ATP6V1A: variants seen among roughly 807,000 people sequenced by gnomAD.
ATP6V1A encodes the protein ATPase H+ transporting V1 subunit A.
ATP6V1A carries 18 observed loss-of-function variants against 70.1 expected under a neutral mutation model. The ratio of observed to expected loss-of-function variants is 0.26; its 90% confidence interval spans 0.18 to 0.38. ATP6V1A has a LOEUF of 0.38. ATP6V1A is among the 10% of genes least tolerant of loss of function. The pLI is 1.00. For synonymous variants in ATP6V1A, 232 were observed against 253.8 expected, an observed-to-expected ratio of 0.91 and a Z score of 0.82; for missense variants, 424 against 772.4, an observed-to-expected ratio of 0.55 and a Z score of 5.35.
At chr3:113,749,160 C>T (rs1455662983) in intron 1 of ATP6V1A, among the ~76,000 whole-genome samples, 1 of 151,932 alleles carries the variant, frequency 6.6e-6, no homozygotes. Context: ...CTCGTGAAAG[C>T]AATAACTTAG....
chr3:113,795,924 T>G lies in ATP6V1A; in HGVS notation c.1275T>G (p.Thr425=), dbSNP rs1285385365. The change falls in exon 11 of 15, where the codon ACT becomes ACG. Residue 425 remains threonine, a synonymous_variant. Transcript: ENST00000273398. ...TTTCTGATCCAGTTACATCTGCCAC[T>G]CTTGGTATCGTTCAGGTATGTCTTT... ...GDFSDPVTSA[T]LGIVQVFWGL... The G allele has an allele frequency of 1.2e-6, 2 of 1,610,426 alleles. No homozygotes were observed. The highest frequency in any genetic ancestry group is 1.7e-6 in the Non-Finnish European group (2 of 1,179,120).
chr3:113,805,662 G>T, intron 14 of ATP6V1A, 137 bp downstream of exon 14: 1 of 839,202 alleles, frequency 1.2e-6, no homozygotes. Flanking sequence ...TCTGCCTCCT[G>T]GGTTCAAACG....
At chr3:113,753,079 A>C (rs983502607) in intron 1 of ATP6V1A, among the ~76,000 whole-genome samples, 1 of 152,190 alleles carries the variant, frequency 6.6e-6, no homozygotes, top group Admixed American at 6.5e-5. Flanking sequence ...CTTGAGATAT[A>C]TGTAACAGAT....
chr3:113,789,749 T>G lies in ATP6V1A; in HGVS notation c.897T>G (p.Asp299Glu), dbSNP rs1444653276. ...RDFPELTMEV[D>E]GKVESIMKRT... ...ACCTCTAGCTCACAATGGAGGTTGA[T>G]GGTAAGGTAGAGTCAATTATGAAGA... is the stretch of plus-strand genomic sequence containing the variant. The change falls in exon 8 of 15, where the codon GAT (aspartate) becomes GAG (glutamate). Residue 299 changes from aspartate (D) to glutamate (E), a missense_variant. Transcript: ENST00000273398. The G allele has an allele frequency of 6.2e-7, 1 of 1,609,916 alleles. No homozygotes were observed. Among genetic ancestry groups the G allele is most frequent in the Non-Finnish European group, 8.5e-7 (1 of 1,176,486 alleles).
At position 113,801,873 on chromosome 3, in the gene ATP6V1A, T is replaced by G. The variant is rs192183346; in HGVS notation, c.1495-1710T>G. On this transcript the variant is annotated intron_variant, in intron 12 of 14. Coordinates refer to ENST00000273398, the MANE Select transcript of ATP6V1A (RefSeq NM_001690.4). The stretch of plus-strand genomic sequence containing the variant: ...ATAATACACATAAAACATTGTTTAA[T>G]ATTTACCTGTGGTTGAAGAGAGGAC... Among the ~76,000 whole-genome samples, 74 of 150,160 alleles carry G rather than the reference T, an allele frequency of 4.9e-4. 1 individual carries two copies. The highest frequency in any genetic ancestry group is 6.3e-4 in the South Asian group (3 of 4,782).
chr3:113,782,560 G>GTATATATATA (rs1559755557), intron 3 of ATP6V1A, among the ~76,000 whole-genome samples: 5 of 141,898 alleles, frequency 3.5e-5, no homozygotes, highest in African/African-American at 1.3e-4. Context: ...ATATATACAT[G>GTATATATATA]TGTATATATA....
chr3:113,794,560 G>C (rs1333096840), intron 8 of ATP6V1A, among the ~76,000 whole-genome samples: 1 of 152,162 alleles, frequency 6.6e-6, no homozygotes, highest in Non-Finnish European at 1.5e-5. Context: ...AAGACTACTG[G>C]GAGTTCTTTC....
intron 1 of ATP6V1A, among the ~76,000 whole-genome samples, chr3:113,760,455 A>G (rs1708690140): frequency 6.6e-6 from 1 of 152,202 alleles, no homozygotes; most frequent in South Asian, 2.1e-4. Flanking sequence ...ATGGCTGGGC[A>G]TGGTGGCTTA....
At chr3:113,778,702 TTTATAA>T (rs1708944887) in intron 1 of ATP6V1A, 33 bp from the exon 2 acceptor site, 1 of 1,310,060 alleles carries the variant, frequency 7.6e-7, no homozygotes, top group South Asian at 1.6e-5. Context: ...TGCTTTACGG[TTTATAA>T]TTATAACTTA....
intron 6 of ATP6V1A, among the ~76,000 whole-genome samples, chr3:113,787,557 A>G (rs1163454180): frequency 2.0e-5 from 3 of 152,234 alleles, no homozygotes; most frequent in Non-Finnish European, 4.4e-5. Context: ...ACAAAGTTCA[A>G]ATGATTCAAG....
chr3:113,778,945 GTT>G, intron 2 of ATP6V1A, 110 bp downstream of exon 2: 1 of 749,460 alleles, frequency 1.3e-6, no homozygotes, highest in East Asian at 3.2e-5. Flanking sequence ...CATAAATTCT[GTT>G]TGTCCTTAGG....
At position 113,784,918 on chromosome 3, in the gene ATP6V1A, G is replaced by T. The variant is rs1209338412; in HGVS notation, c.564+85G>T. 69 of 1,356,958 alleles carry T rather than the reference G, an allele frequency of 5.1e-5. 1 individual carries two copies. The highest frequency in any genetic ancestry group is 5.5e-5 in the Non-Finnish European group (55 of 1,003,388). 84.1% of individuals were successfully genotyped at this position (1,356,958 alleles called of 1,614,324 possible). On this transcript the variant is annotated intron_variant, in intron 5 of 14. Coordinates refer to ENST00000273398, the MANE Select transcript of ATP6V1A (RefSeq NM_001690.4). ...AGTTTTAGTGCCCTAAGTAATTAAA[G>T]AATTGATATTTAATACATAAGTTTT...
intron 1 of ATP6V1A, among the ~76,000 whole-genome samples, chr3:113,776,521 A>T (rs574301849): frequency 6.6e-6 from 1 of 152,330 alleles, no homozygotes; most frequent in East Asian, 1.9e-4. Flanking sequence ...TTGTTTTGCT[A>T]TATAGCTATT....
chr3:113,789,687 T>A, intron 7 of ATP6V1A, 45 bp from the exon 8 acceptor site: 1 of 1,447,046 alleles, frequency 6.9e-7, no homozygotes. Context: ...GGCTAAAATG[T>A]TACCTTAGAA....
intron 1 of ATP6V1A, among the ~76,000 whole-genome samples, chr3:113,772,941 T>TTTTG (rs1178606490): frequency 2.4e-5 from 3 of 125,372 alleles, no homozygotes; most frequent in African/African-American, 9.6e-5. Flanking sequence ...GGCTTTTTTT[T>TTTTG]TTTTTTTTTT....
chr3:113,774,057 C>G (rs982162536), intron 1 of ATP6V1A, among the ~76,000 whole-genome samples: 3 of 130,426 alleles, frequency 2.3e-5, no homozygotes, highest in African/African-American at 8.7e-5. Flanking sequence ...CACCTGATAA[C>G]TAGGAAAAAA....
intron 2 of ATP6V1A, chr3:113,780,603 T>TA: frequency 2.3e-6 from 1 of 434,056 alleles, no homozygotes; most frequent in Non-Finnish European, 3.8e-6. Flanking sequence ...ACATGTTGCT[T>TA]TAGGTCTGTC....
intron 5 of ATP6V1A, among the ~76,000 whole-genome samples, chr3:113,785,729 C>T (rs1489179739): frequency 1.3e-5 from 2 of 150,180 alleles, no homozygotes; most frequent in African/African-American, 2.4e-5. Flanking sequence ...AGTGCAGTGG[C>T]GCGATCTCGG....
At chr3:113,796,967 C>T (rs1417388107) in intron 11 of ATP6V1A, among the ~76,000 whole-genome samples, 1 of 152,220 alleles carries the variant, frequency 6.6e-6, no homozygotes, top group East Asian at 1.9e-4. Flanking sequence ...CGGAGTTTCA[C>T]TCTTGTTGCC....
Sources: gnomAD v4.1 joint callset for allele counts (sites outside exome capture counted in the v4.1 genomes callset) on GRCh38, gnomAD v4.1.1 for gene constraint, MANE v1.5 for transcripts, NCBI Gene and HGNC (gene_info 2026-07-23, HGNC 2026-07-21) for gene names.